Variants in DGKI observed in about 807,000 individuals in gnomAD.
DGKI encodes the protein diacylglycerol kinase iota.
A neutral mutation model predicts 147.5 loss-of-function variants in DGKI; 55 were observed. That is an observed-to-expected ratio of 0.37 (90% confidence interval 0.30 to 0.47). The LOEUF is 0.47. Ranked by LOEUF, DGKI falls within the 20% of genes least tolerant of loss-of-function variation. DGKI has a pLI of 1.00. For synonymous variants in DGKI, 469 were observed against 477.1 expected, an observed-to-expected ratio of 0.98 and a Z score of 0.22; for missense variants, 1,007 against 1,323.8, an observed-to-expected ratio of 0.76 and a Z score of 3.71.
At chr7:137,654,624 A>G (rs1822153369) in intron 5 of DGKI, 108 bp downstream of exon 5, 3 of 846,810 alleles carry the variant, frequency 3.5e-6, no homozygotes, top group Non-Finnish European at 3.9e-6. Flanking sequence ...TTGGCATGCA[A>G]CAGAAAGAGA....
At chr7:137,572,902 T>C (rs950303989) in intron 17 of DGKI, 64 bp from the exon 18 acceptor site, 5 of 1,244,524 alleles carry the variant, frequency 4.0e-6, no homozygotes, top group Non-Finnish European at 5.7e-6. Context: ...CTATGAAAGA[T>C]AACTAGTTTG....
intron 29 of DGKI, among the ~76,000 whole-genome samples, chr7:137,411,945 G>A (rs1342681669): frequency 1.3e-5 from 2 of 152,128 alleles, no homozygotes; most frequent in Admixed American, 1.3e-4. Flanking sequence ...TGTGCACATT[G>A]CATCCTGGGG....
intron 19 of DGKI, among the ~76,000 whole-genome samples, chr7:137,563,958 AGATCT>A: frequency 6.6e-6 from 1 of 152,260 alleles, no homozygotes; most frequent in African/African-American, 2.4e-5. Flanking sequence ...AAATGCCCAA[AGATCT>A]AGAACAAGGA....
intron 3 of DGKI, among the ~76,000 whole-genome samples, chr7:137,657,548 A>G (rs1025450451): frequency 1.3e-5 from 2 of 152,220 alleles, no homozygotes; most frequent in Non-Finnish European, 2.9e-5. Flanking sequence ...AGCCCTCTCT[A>G]TAAAGGACAG....
At chr7:137,547,151 A>G (rs777559509) in intron 20 of DGKI, among the ~76,000 whole-genome samples, 21 of 152,254 alleles carry the variant, frequency 1.4e-4, no homozygotes, top group Admixed American at 7.2e-4. Context: ...CTATCAGGTA[A>G]CTAGCATATG....
At chr7:137,740,106 T>C (rs1563175588) in intron 1 of DGKI, among the ~76,000 whole-genome samples, 1 of 152,172 alleles carries the variant, frequency 6.6e-6, no homozygotes, top group African/African-American at 2.4e-5. Context: ...CCTACTTAAA[T>C]CCTTACATCA....
rs544417712 is a variant in DGKI, at chr7:137,390,095, T to C, written c.*1125A>G. ...TCTCACCACTGTATCCAACAGTCTA[T>C]AGTTATTAGCCTCTGTGCAACATTC... is the stretch of plus-strand genomic sequence containing the variant. On this transcript the variant is annotated 3_prime_UTR_variant, in exon 33 of 33. Transcript: ENST00000614521. 2 of 152,056 alleles carry C rather than the reference T, an allele frequency of 1.3e-5. No homozygotes were observed. The highest frequency in any genetic ancestry group is 4.8e-5 in the African/African-American group (2 of 41,408). 9.4% of individuals were successfully genotyped at this position (152,056 alleles called of 1,614,324 possible). A position where few individuals can be genotyped will look rare whatever the true frequency, so the allele number is the denominator to read the frequency against.
chr7:137,691,485 A>G (rs1257742598), intron 1 of DGKI, among the ~76,000 whole-genome samples: 1 of 152,168 alleles, frequency 6.6e-6, no homozygotes, highest in African/African-American at 2.4e-5. Context: ...GAAAGCAGTG[A>G]TGGCCAGATC....
intron 20 of DGKI, among the ~76,000 whole-genome samples, chr7:137,548,742 C>A (rs834056): frequency 0.11 from 16,613 of 152,180 alleles, 2,042 homozygotes; most frequent in African/African-American, 0.3. Context: ...CTGAGGCGGG[C>A]AGATCACTTG....
chr7:137,811,823 G>A (rs1173510049), intron 1 of DGKI, among the ~76,000 whole-genome samples: 1 of 151,770 alleles, frequency 6.6e-6, no homozygotes, highest in Non-Finnish European at 1.5e-5. Flanking sequence ...ATTTCTAATT[G>A]CCCCAGCCTA....
intron 21 of DGKI, among the ~76,000 whole-genome samples, chr7:137,517,101 G>A (rs976637014): frequency 1.3e-5 from 2 of 150,928 alleles, no homozygotes; most frequent in Non-Finnish European, 2.9e-5. Flanking sequence ...TAAATCCAGT[G>A]TAATTATGAG....
At chr7:137,695,316 A>G (rs1823745637) in intron 1 of DGKI, among the ~76,000 whole-genome samples, 3 of 152,230 alleles carry the variant, frequency 2.0e-5, no homozygotes, top group Admixed American at 1.3e-4. Flanking sequence ...TCCATTCAAC[A>G]ATGTATTTAC....
chr7:137,775,889 G>A lies in DGKI; in HGVS notation c.401+70573C>T, dbSNP rs147657980. 4.6e-5 allele frequency among the ~76,000 whole-genome samples: 7 copies of A among 151,064 alleles called. No individual in the cohort carries two copies. The East Asian group carries it at 5.8e-4, about 13-fold the overall frequency. On this transcript the variant is annotated intron_variant, in intron 1 of 32. Transcript: ENST00000614521. ...TTTTCTTTTTTTGGCAGAGTTTTTC[G>A]CCCTTTTTGCCCAGGCTGGAGTGCA...
intron 6 of DGKI, among the ~76,000 whole-genome samples, chr7:137,632,323 T>C (rs373814851): frequency 6.6e-6 from 1 of 152,178 alleles, no homozygotes; most frequent in African/African-American, 2.4e-5. Context: ...AAAGACAGAA[T>C]CCATTGATTG....
intron 1 of DGKI, among the ~76,000 whole-genome samples, chr7:137,692,891 G>A (rs959332783): frequency 6.6e-5 from 10 of 152,092 alleles, no homozygotes; most frequent in African/African-American, 2.4e-4. Flanking sequence ...ACATGAAAGT[G>A]GCTGCCAGTT....
Position 137,386,718 on chromosome 7 carries a change from G to A in DGKI, c.*4502C>T, listed in dbSNP as rs550692426. 7 of 152,108 alleles carry A rather than the reference G, an allele frequency of 4.6e-5. No individual in the cohort carries two copies. The highest frequency in any genetic ancestry group is 2.1e-4 in the South Asian group (1 of 4,812). 9.4% of individuals were successfully genotyped at this position (152,108 alleles called of 1,614,324 possible). On this transcript the variant is annotated 3_prime_UTR_variant, in exon 33 of 33. Transcript: ENST00000614521. ...CACAGAAAAGGGTAGGGTCCAAGTC[G>A]ATCTGACAGACCTGGCAGAGAAGGA...
chr7:137,637,949 AT>A (rs1298726970), intron 6 of DGKI, among the ~76,000 whole-genome samples: 1 of 152,174 alleles, frequency 6.6e-6, no homozygotes, highest in Non-Finnish European at 1.5e-5. Flanking sequence ...GAAAAGAATG[AT>A]TTCCGTCATA....
chr7:137,574,982 C>T (rs947402300), intron 17 of DGKI, among the ~76,000 whole-genome samples: 2 of 152,194 alleles, frequency 1.3e-5, no homozygotes, highest in Non-Finnish European at 2.9e-5. Context: ...ACTAACCTTC[C>T]ATCCTTTTCA....
At chr7:137,727,266 G>A (rs774203355) in intron 1 of DGKI, among the ~76,000 whole-genome samples, 37 of 152,130 alleles carry the variant, frequency 2.4e-4, no homozygotes, top group Middle Eastern at 3.4e-3. Flanking sequence ...CCCCATCTAG[G>A]AGAAAAGCAG....
Sources: gnomAD v4.1 joint callset for allele counts (sites outside exome capture counted in the v4.1 genomes callset) on GRCh38, gnomAD v4.1.1 for gene constraint, MANE v1.5 for transcripts, NCBI Gene and HGNC (gene_info 2026-07-23, HGNC 2026-07-21) for gene names.